GNAI2: variants seen among roughly 807,000 people sequenced by gnomAD.
The protein encoded by GNAI2 is guanine nucleotide-binding protein G(i) subunit alpha-2.
In GNAI2, 4 loss-of-function variants were observed where a neutral mutation model predicts 36.8. The ratio of observed to expected loss-of-function variants is 0.11; its 90% CI spans 0.05 to 0.25. The LOEUF is 0.25. Among genes scored for constraint, GNAI2 ranks in the 10% least tolerant of loss-of-function variants. GNAI2 has a pLI of 1.00. For missense variants in GNAI2, 230 were observed against 481.3 expected (o/e 0.48, Z 4.89); for synonymous variants, 194 against 194.1 (o/e 1.00, Z 0.01).
intron 1 of GNAI2, among the ~76,000 whole-genome samples, chr3:50,247,884 G>A (rs1700459483): frequency 6.6e-6 from 1 of 152,228 alleles, no homozygotes. Context: ...CGGGCAGGAG[G>A]GGCTGATTCA....
At chr3:50,246,082 G>C (rs1026352983) in intron 1 of GNAI2, among the ~76,000 whole-genome samples, 3 of 152,222 alleles carry the variant, frequency 2.0e-5, no homozygotes, top group African/African-American at 4.8e-5. Context: ...GAGCCTTCTC[G>C]GAGGGAATGA....
rs1056160415 is a variant in GNAI2, at chr3:50,238,438, C to T, written c.118+1985C>T. Reference sequence around the variant, plus strand: ...TAAGGCAAGTGAGACCTGGTAACTCCTCCCACACTGGGCTGGCAGCAGCCA... The same window carrying T: ...TAAGGCAAGTGAGACCTGGTAACTCTTCCCACACTGGGCTGGCAGCAGCCA... On this transcript the variant is annotated intron_variant, in intron 1 of 8. Transcript: ENST00000313601. This position sits in a 1 kb window ranked among gnomAD's most constrained non-coding sequence, Gnocchi z 5.0. 15 of 152,398 alleles carry T rather than the reference C, an allele frequency of 9.8e-5. No individual in the cohort carries two copies. Among genetic ancestry groups the T allele is most frequent in the African/African-American group, 3.4e-4 (14 of 41,480 alleles). 9.4% of individuals were successfully genotyped at this position (152,398 alleles called of 1,614,324 possible).
In GNAI2 at chr3:50,253,074, C is replaced by T. The variant is rs1007446215; in HGVS notation, c.354C>T (p.Gly118=). The change falls in exon 4 of 9, where the codon GGC becomes GGT. Residue 118 remains glycine, a synonymous_variant. Coordinates refer to ENST00000313601, the MANE Select transcript of GNAI2 (RefSeq NM_002070.4). This position sits in a 1 kb window ranked among gnomAD's most constrained non-coding sequence, Gnocchi z 4.2. ...FALSCTAEEQ[G]VLPDDLSGVI... ...TGTCCTGCACCGCCGAGGAGCAAGG[C>T]GTGCTCCCTGATGACCTGTCCGGCG... 8 of 1,612,358 alleles carry T rather than the reference C, an allele frequency of 5.0e-6. No individual in the cohort carries two copies. The highest frequency in any genetic ancestry group is 4.5e-5 in the East Asian group (2 of 44,826).
chr3:50,256,173 T>G lies in GNAI2; in HGVS notation c.465-19T>G. 188 of 516,936 alleles carry G rather than the reference T, an allele frequency of 3.6e-4. No homozygotes were observed. Among genetic ancestry groups the G allele is most frequent in the Non-Finnish European group, 5.9e-4 (178 of 302,178 alleles). The allele number at this position is 516,936 out of a possible 1,614,324, so 32.0% of individuals were successfully genotyped here. A position where few individuals can be genotyped will look rare whatever the true frequency, so the allele number is the denominator to read the frequency against. ...GCCCCATGCTGGCCCCCACTGACCCTCCCACCCCCCATCCCCAGCTACCTG... is the reference window on the plus strand; with the variant it reads ...GCCCCATGCTGGCCCCCACTGACCCGCCCACCCCCCATCCCCAGCTACCTG... On this transcript the variant is annotated intron_variant, in intron 4 of 8. Coordinates refer to ENST00000313601, the MANE Select transcript of GNAI2 (RefSeq NM_002070.4).
chr3:50,249,349 G>A (rs1431716655), intron 1 of GNAI2, among the ~76,000 whole-genome samples: 1 of 152,206 alleles, frequency 6.6e-6, no homozygotes, highest in Non-Finnish European at 1.5e-5. Context: ...TTGAGCCCCA[G>A]GGGGATGGGC....
intron 1 of GNAI2, 160 bp from the exon 2 acceptor site, chr3:50,251,940 G>T: frequency 1.1e-6 from 1 of 892,364 alleles, no homozygotes; most frequent in Non-Finnish European, 1.7e-6. Flanking sequence ...CTGCATTCCT[G>T]GTAGCTCAAC....
rs1700559560 is a variant in GNAI2, at chr3:50,251,641, G to A, written c.119-459G>A. On this transcript the variant is annotated intron_variant, in intron 1 of 8. Coordinates refer to ENST00000313601, the MANE Select transcript of GNAI2 (RefSeq NM_002070.4). ...TTAGGCCCCTGGTTGCTAAGGCTCA[G>A]TGTGGGGAGAAGAAGGGCTGCTACC... 4 of 1,326,476 alleles carry A rather than the reference G, an allele frequency of 3.0e-6. No homozygotes were observed. In the South Asian group the frequency reaches 4.8e-5, roughly 16 times the overall value. The allele number at this position is 1,326,476 out of a possible 1,614,324, so 82.2% of individuals were successfully genotyped here.
chr3:50,236,572 C>G lies in GNAI2; in HGVS notation c.118+119C>G. On this transcript the variant is annotated intron_variant, in intron 1 of 8. Transcript: ENST00000313601. This position sits in a 1 kb window ranked among gnomAD's most constrained non-coding sequence, Gnocchi z 4.0. The stretch of plus-strand genomic sequence containing the variant: ...ACCCGGGCTGTCTGGGACCCCACAC[C>G]TGGGCCAGGACCAGGGTTGAAAACT... 1.5e-6 allele frequency: 2 copies of G among 1,367,066 alleles called. No individual in the cohort carries two copies. The highest frequency in any genetic ancestry group is 9.6e-7 in the Non-Finnish European group (1 of 1,036,826). The allele number at this position is 1,367,066 out of a possible 1,614,324, so 84.7% of individuals were successfully genotyped here.
In GNAI2 at chr3:50,255,335, G is replaced by A. The variant is rs1700664709; in HGVS notation, c.465-857G>A. 6.6e-6 allele frequency among the ~76,000 whole-genome samples: 1 copy of A among 152,160 alleles called. No individual in the cohort carries two copies. The highest frequency in any genetic ancestry group is 1.5e-5 in the Non-Finnish European group (1 of 68,006). On this transcript the variant is annotated intron_variant, in intron 4 of 8. Coordinates refer to ENST00000313601, the MANE Select transcript of GNAI2 (RefSeq NM_002070.4). The surrounding 1 kb of genome is among the most constrained non-coding windows in gnomAD (Gnocchi z 4.0). Reference sequence around the variant, plus strand: ...TACTAATTAAGGGAACTGGTAATGAGGAGCCCCTGGGACCCCTGCCAAGCA... The same window carrying A: ...TACTAATTAAGGGAACTGGTAATGAAGAGCCCCTGGGACCCCTGCCAAGCA...
rs1700569677 is a variant in GNAI2 at position 50,252,022 on chromosome 3, C to G, written c.119-78C>G. 8 of 1,394,666 alleles carry G rather than the reference C, an allele frequency of 5.7e-6. No homozygotes were observed. Among genetic ancestry groups the G allele is most frequent in the Non-Finnish European group, 7.1e-6 (7 of 987,640 alleles). The allele number at this position is 1,394,666 out of a possible 1,614,324, so 86.4% of individuals were successfully genotyped here. A position where few individuals can be genotyped will look rare whatever the true frequency, so the allele number is the denominator to read the frequency against. On this transcript the variant is annotated intron_variant, in intron 1 of 8. Coordinates refer to ENST00000313601, the MANE Select transcript of GNAI2 (RefSeq NM_002070.4). This position sits in a 1 kb window ranked among gnomAD's most constrained non-coding sequence, Gnocchi z 4.1. ...AAGGTTAGTTCTGCCTCCTGGGCTA[C>G]AGGTGTCTGGGCATTTGTTCTGTGC...
In GNAI2 at chr3:50,255,961, G is replaced by A. The variant is rs587608411; in HGVS notation, c.465-231G>A. 2.7e-5 allele frequency among the ~76,000 whole-genome samples: 4 copies of A among 146,034 alleles called. No individual in the cohort carries two copies. Among genetic ancestry groups the A allele is most frequent in the East Asian group, 4.1e-4 (2 of 4,910 alleles). ...CTCAGGAGGCTGAGGCAGGAGAATC[G>A]CTTGAACCTGGCAGGCAGAGGTTGC... On this transcript the variant is annotated intron_variant, in intron 4 of 8. Coordinates refer to ENST00000313601, the MANE Select transcript of GNAI2 (RefSeq NM_002070.4). The surrounding 1 kb of genome is among the most constrained non-coding windows in gnomAD (Gnocchi z 4.0).
upstream of GNAI2, among the ~76,000 whole-genome samples, chr3:50,233,961 T>C (rs782156243): frequency 3.8e-4 from 57 of 149,584 alleles, no homozygotes; most frequent in Non-Finnish European, 7.7e-4. Context: ...AGTGGTGTGA[T>C]CTCAGCTCAC....
In GNAI2 at chr3:50,252,560, C is replaced by G; in HGVS notation, c.303+22C>G. The stretch of plus-strand genomic sequence containing the variant: ...AGCGGTATGTGCCCTCCGCCCCACC[C>G]TCTCCCACCTCCCAAAAGGTTTCGG... On this transcript the variant is annotated intron_variant, in intron 3 of 8. Coordinates refer to ENST00000313601, the MANE Select transcript of GNAI2 (RefSeq NM_002070.4). This position sits in a 1 kb window ranked among gnomAD's most constrained non-coding sequence, Gnocchi z 4.1. 1 of 1,599,022 alleles carries G rather than the reference C, an allele frequency of 6.3e-7. No homozygotes were observed. The highest frequency in any genetic ancestry group is 8.6e-7 in the Non-Finnish European group (1 of 1,169,536).
At chr3:50,228,858 A>G (rs1413696519), upstream of GNAI2, among the ~76,000 whole-genome samples, 3 of 152,164 alleles carry the variant, frequency 2.0e-5, no homozygotes, top group Non-Finnish European at 4.4e-5. Context: ...TGATCGCAGT[A>G]TTTGCTCCAT....
In GNAI2 at chr3:50,259,020, C is replaced by G; in HGVS notation, c.*677C>G. The G allele has an allele frequency of 2.3e-6, 1 of 427,986 alleles. No homozygotes were observed. The highest frequency in any genetic ancestry group is 4.6e-6 in the Non-Finnish European group (1 of 219,248). 26.5% of individuals were successfully genotyped at this position (427,986 alleles called of 1,614,324 possible). A position where few individuals can be genotyped will look rare whatever the true frequency, so the allele number is the denominator to read the frequency against. On this transcript the variant is annotated 3_prime_UTR_variant, in exon 9 of 9. Coordinates refer to ENST00000313601, the MANE Select transcript of GNAI2 (RefSeq NM_002070.4). ...AAGTGACTCCGTGCCTTGAGTGTGTCTGCGTGTTTACACCCGTCCCTCTGC... is the reference window on the plus strand; with the variant it reads ...AAGTGACTCCGTGCCTTGAGTGTGTGTGCGTGTTTACACCCGTCCCTCTGC...
At chr3:50,244,349 C>T (rs143174419) in intron 1 of GNAI2, among the ~76,000 whole-genome samples, 2 of 152,112 alleles carry the variant, frequency 1.3e-5, no homozygotes, top group Non-Finnish European at 2.9e-5. Context: ...CTTTTGACTT[C>T]CCACTTTTTC....
In GNAI2 at chr3:50,253,839, T is replaced by C. The variant is rs1700623763; in HGVS notation, c.464+655T>C. On this transcript the variant is annotated intron_variant, in intron 4 of 8. Coordinates refer to ENST00000313601, the MANE Select transcript of GNAI2 (RefSeq NM_002070.4). This position sits in a 1 kb window ranked among gnomAD's most constrained non-coding sequence, Gnocchi z 4.2. The stretch of plus-strand genomic sequence containing the variant: ...ACAATTTAGGGTGTTAGTGAAAAGG[T>C]AGAGGTGGAGTTGGCCCAGAGACAG... Among the ~76,000 whole-genome samples the C allele has an allele frequency of 6.6e-6, 1 of 151,880 alleles. No individual in the cohort carries two copies. The highest frequency in any genetic ancestry group is 2.4e-5 in the African/African-American group (1 of 41,318).
In GNAI2 at chr3:50,255,398, T is replaced by C. The variant is rs587633934; in HGVS notation, c.465-794T>C. ...CTCCCCCTGAGGAACCCAGATTTCA[T>C]TGGGCGCTGGGCAAAGAGCCCACTG... On this transcript the variant is annotated intron_variant, in intron 4 of 8. Transcript: ENST00000313601. This position sits in a 1 kb window ranked among gnomAD's most constrained non-coding sequence, Gnocchi z 4.0. Among the ~76,000 whole-genome samples, 48 of 152,320 alleles carry C rather than the reference T, an allele frequency of 3.2e-4. No individual in the cohort carries two copies. The highest frequency in any genetic ancestry group is 1.0e-3 in the South Asian group (5 of 4,828).
chr3:50,253,244 G>C lies in GNAI2; in HGVS notation c.464+60G>C. 7.2e-7 allele frequency: 1 copy of C among 1,395,104 alleles called. No homozygotes were observed. Among genetic ancestry groups the C allele is most frequent in the South Asian group, 1.3e-5 (1 of 76,484 alleles). The allele number at this position is 1,395,104 out of a possible 1,614,324, so 86.4% of individuals were successfully genotyped here. A position where few individuals can be genotyped will look rare whatever the true frequency, so the allele number is the denominator to read the frequency against. On this transcript the variant is annotated intron_variant, in intron 4 of 8. Transcript: ENST00000313601. The surrounding 1 kb of genome is among the most constrained non-coding windows in gnomAD (Gnocchi z 4.2). ...GGGGCTGGGGGAGGACTAAAGGCTGGACCGGAGGGCCTGAGAACCCCCAGA... is the reference window on the plus strand; with the variant it reads ...GGGGCTGGGGGAGGACTAAAGGCTGCACCGGAGGGCCTGAGAACCCCCAGA...
Sources: allele counts gnomAD v4.1 joint callset (sites outside exome capture counted in the v4.1 genomes callset), GRCh38; gene constraint gnomAD v4.1.1; non-coding constraint Gnocchi (gnomAD v3.1); transcripts MANE v1.5; gene names NCBI Gene and HGNC (gene_info 2026-07-23, HGNC 2026-07-21).